KCNK2: variants seen among roughly 807,000 people sequenced by gnomAD.
KCNK2 encodes potassium two pore domain channel subfamily K member 2.
A neutral mutation model predicts 40.5 loss-of-function variants in KCNK2; 21 were observed. The observed-to-expected ratio is 0.52, with a 90% CI of 0.37 to 0.75. The LOEUF is 0.75. KCNK2 is among the 30% of genes least tolerant of loss of function. The pLI, the probability that KCNK2 is intolerant of heterozygous loss-of-function variation, is 0.00. For synonymous variants in KCNK2, 191 were observed against 202.2 expected (o/e 0.94, Z 0.47); for missense variants, 399 against 531.6 (o/e 0.75, Z 2.45).
chr1:215,222,785 C>A (rs905799101), intron 6 of KCNK2, among the ~76,000 whole-genome samples: 18 of 149,390 alleles, frequency 1.2e-4, no homozygotes, highest in Admixed American at 1.1e-3. Flanking sequence ...TGGAAATGTT[C>A]CTTTTACCAG....
intron 5 of KCNK2, among the ~76,000 whole-genome samples, chr1:215,178,666 T>A (rs1323889458): frequency 6.6e-6 from 1 of 152,176 alleles, no homozygotes; most frequent in Non-Finnish European, 1.5e-5. Context: ...CATTTATTGA[T>A]CTGTATATGG....
At chr1:215,179,036 A>G (rs1223109371) in intron 5 of KCNK2, among the ~76,000 whole-genome samples, 1 of 151,810 alleles carries the variant, frequency 6.6e-6, no homozygotes, top group Non-Finnish European at 1.5e-5. Flanking sequence ...TTGGAAGTCA[A>G]TATTAGTCTG....
At chr1:215,184,186 G>A (rs373498306) in intron 5 of KCNK2, among the ~76,000 whole-genome samples, 2 of 152,196 alleles carry the variant, frequency 1.3e-5, no homozygotes, top group Non-Finnish European at 2.9e-5. Context: ...TTCTAACTCC[G>A]TATAAGATAA....
At position 215,083,212 on chromosome 1, in the gene KCNK2, C is replaced by CCCA; in HGVS notation, c.-173_-172insCAC. 1 of 1,369,166 alleles carries CCCA rather than the reference C, an allele frequency of 7.3e-7. No homozygotes were observed. Among genetic ancestry groups the CCCA allele is most frequent in the Non-Finnish European group, 1.0e-6 (1 of 1,001,228 alleles). The allele number at this position is 1,369,166 out of a possible 1,614,324, so 84.8% of individuals were successfully genotyped here. On this transcript the variant is annotated 5_prime_UTR_variant, in exon 1 of 7. Coordinates refer to ENST00000444842, the MANE Select transcript of KCNK2 (RefSeq NM_001017425.3). ...CTCACGCTCCCCCCCCCGCCCCCTCCCGCGTCCAGCCCCGCTCTCCCCACC... is the reference window on the plus strand; with the variant it reads ...CTCACGCTCCCCCCCCCGCCCCCTCCCCACGCGTCCAGCCCCGCTCTCCCCACC...
At chr1:215,052,568 A>AT (rs1658027497) in intron 1 of KCNK2, among the ~76,000 whole-genome samples, 1 of 152,164 alleles carries the variant, frequency 6.6e-6, no homozygotes, top group African/African-American at 2.4e-5. Flanking sequence ...GTATGCTCAC[A>AT]TTTTTTGGTG....
intron 6 of KCNK2, among the ~76,000 whole-genome samples, chr1:215,222,222 G>T (rs1035145967): frequency 7.2e-5 from 11 of 151,798 alleles, no homozygotes; most frequent in Non-Finnish European, 1.0e-4. Context: ...TGAGATTTGG[G>T]TGGGGACAAC....
upstream of KCNK2, among the ~76,000 whole-genome samples, chr1:215,079,356 A>T (rs536811176): frequency 2.6e-4 from 39 of 152,298 alleles, no homozygotes; most frequent in African/African-American, 8.9e-4. Flanking sequence ...ATGGTTGGAA[A>T]GACCTCAGGA....
At chr1:215,209,469 ATATATATTATATATAATACATATATAT>A (rs1665513499) in intron 6 of KCNK2, among the ~76,000 whole-genome samples, 1 of 1,886 alleles carries the variant, frequency 5.3e-4, no homozygotes, top group African/African-American at 8.3e-4. Flanking sequence ...ATTATATATA[ATATATATTATATATAATACATATATAT>A]AATATATAAT....
chr1:215,081,051 T>C (rs1659135565), upstream of KCNK2, among the ~76,000 whole-genome samples: 1 of 152,156 alleles, frequency 6.6e-6, no homozygotes, highest in Non-Finnish European at 1.5e-5. Flanking sequence ...CGACTCTTGC[T>C]TGAGTTTCCA....
intron 1 of KCNK2, among the ~76,000 whole-genome samples, chr1:215,010,368 G>T (rs1656334053): frequency 6.6e-6 from 1 of 152,116 alleles, no homozygotes; most frequent in African/African-American, 2.4e-5. Context: ...GCTTCTGATT[G>T]GTGGCATTTC....
At chr1:215,103,972 T>C (rs2102554078) in intron 2 of KCNK2, among the ~76,000 whole-genome samples, 1 of 152,130 alleles carries the variant, frequency 6.6e-6, no homozygotes, top group South Asian at 2.1e-4. Flanking sequence ...GCTAATCTTA[T>C]ATATAGGCCA....
At chr1:215,209,788 T>A (rs1324262641) in intron 6 of KCNK2, among the ~76,000 whole-genome samples, 1 of 57,630 alleles carries the variant, frequency 1.7e-5, no homozygotes, top group Non-Finnish European at 3.0e-5. Flanking sequence ...TAAATATATA[T>A]TATATATAAA....
intron 3 of KCNK2, among the ~76,000 whole-genome samples, chr1:215,154,518 C>A (rs981072287): frequency 1.3e-5 from 2 of 151,930 alleles, no homozygotes; most frequent in African/African-American, 4.8e-5. Context: ...AATTTCCTCC[C>A]ATTCTGTAGG....
intron 1 of KCNK2, among the ~76,000 whole-genome samples, chr1:215,007,025 ATATATATATATATG>A (rs1241561957): frequency 6.2e-5 from 2 of 32,034 alleles, no homozygotes; most frequent in Non-Finnish European, 8.9e-5. Flanking sequence ...ATATATATAT[ATATATATATATATG>A]TGTGTGTGTG....
At chr1:215,055,187 A>T (rs1266605562) in intron 1 of KCNK2, among the ~76,000 whole-genome samples, 1 of 152,198 alleles carries the variant, frequency 6.6e-6, no homozygotes, top group Non-Finnish European at 1.5e-5. Context: ...ACCTGGGTAC[A>T]CCTCAAAGAA....
chr1:215,222,090 G>A (rs1297348860), intron 6 of KCNK2, among the ~76,000 whole-genome samples: 4 of 152,036 alleles, frequency 2.6e-5, no homozygotes, highest in African/African-American at 4.8e-5. Flanking sequence ...ACCAGATCTC[G>A]TAAGAACCCA....
chr1:215,093,626 GAATATATATACAATATAT>G (rs1484101318), intron 2 of KCNK2, among the ~76,000 whole-genome samples: 9 of 92,906 alleles, frequency 9.7e-5, no homozygotes, highest in Non-Finnish European at 1.3e-4. Flanking sequence ...ATATAATATA[GAATATATATACAATATAT>G]AATATAGAAT....
Position 215,124,770 on chromosome 1 carries a change from T to C in KCNK2, c.475+20T>C, listed in dbSNP as rs912105353. ...CCATAGGTAGGAGACAACTTATTTT[T>C]GTTTTTTGTTTTGATACCGTTTGTG... On this transcript the variant is annotated intron_variant, in intron 3 of 6. Transcript: ENST00000444842. The C allele has an allele frequency of 2.1e-6, 3 of 1,432,864 alleles. No individual in the cohort carries two copies. The highest frequency in any genetic ancestry group is 1.7e-5 in the Admixed American group (1 of 58,624). The allele number at this position is 1,432,864 out of a possible 1,614,324, so 88.8% of individuals were successfully genotyped here. A position where few individuals can be genotyped will look rare whatever the true frequency, so the allele number is the denominator to read the frequency against.
At chr1:215,177,837 T>C (rs1034419381) in intron 5 of KCNK2, among the ~76,000 whole-genome samples, 1 of 150,318 alleles carries the variant, frequency 6.7e-6, no homozygotes, top group Non-Finnish European at 1.5e-5. Flanking sequence ...CTTTTTTTTT[T>C]TAGGATTACT....
Sources: allele counts gnomAD v4.1 joint callset (sites outside exome capture counted in the v4.1 genomes callset), GRCh38; gene constraint gnomAD v4.1.1; transcripts MANE v1.5; gene names NCBI Gene and HGNC (gene_info 2026-07-23, HGNC 2026-07-21).